NCAM2: variants seen among roughly 807,000 people sequenced by gnomAD.
NCAM2 encodes neural cell adhesion molecule 2.
In NCAM2, 30 loss-of-function variants were observed where a neutral mutation model predicts 98.1. The observed-to-expected ratio is 0.31, with a 90% confidence interval of 0.23 to 0.41. The LOEUF is 0.41. NCAM2 is among the 10% of genes least tolerant of loss of function. The pLI, the probability that NCAM2 is intolerant of heterozygous loss-of-function variation, is 1.00. For synonymous variants in NCAM2, 368 were observed against 342.4 expected, an observed-to-expected ratio of 1.07 and a Z score of -0.83; for missense variants, 867 against 1,005.8, an observed-to-expected ratio of 0.86 and a Z score of 1.87.
chr21:21,357,712 T>C (rs543013174), intron 8 of NCAM2, among the ~76,000 whole-genome samples: 6 of 152,152 alleles, frequency 3.9e-5, no homozygotes, highest in Non-Finnish European at 7.4e-5. Flanking sequence ...ATTTTATTTC[T>C]ACCTTTTTAC....
chr21:21,219,097 A>T (rs773447790), intron 1 of NCAM2, among the ~76,000 whole-genome samples: 1 of 152,232 alleles, frequency 6.6e-6, no homozygotes, highest in Non-Finnish European at 1.5e-5. Context: ...GCAGCCCAGG[A>T]TGGCTTTGAA....
intron 1 of NCAM2, among the ~76,000 whole-genome samples, chr21:21,257,880 C>A (rs1431672270): frequency 6.6e-6 from 1 of 152,112 alleles, no homozygotes; most frequent in Admixed American, 6.5e-5. Flanking sequence ...TGTACCGGGC[C>A]CCCAATGTTG....
chr21:21,214,746 T>TATATATATATATATATATATACACAC (rs11268201), intron 1 of NCAM2, among the ~76,000 whole-genome samples: 3 of 100,604 alleles, frequency 3.0e-5, no homozygotes, highest in East Asian at 5.4e-4. Flanking sequence ...TATATATATA[T>TATATATATATATATATATATACACAC]ACACTATATA....
At chr21:21,286,150 A>T in intron 3 of NCAM2, 119 bp from the exon 4 acceptor site, 1 of 1,078,144 alleles carries the variant, frequency 9.3e-7, no homozygotes. Flanking sequence ...TAAAGTATCT[A>T]GGTTTCCCTA....
At chr21:21,459,069 T>C (rs1368322427) in intron 12 of NCAM2, among the ~76,000 whole-genome samples, 1 of 152,008 alleles carries the variant, frequency 6.6e-6, no homozygotes, top group Non-Finnish European at 1.5e-5. Flanking sequence ...AAAGGAGACA[T>C]ACACATGGCC....
At chr21:21,150,637 G>A (rs2067419044) in intron 1 of NCAM2, among the ~76,000 whole-genome samples, 1 of 151,836 alleles carries the variant, frequency 6.6e-6, no homozygotes, top group African/African-American at 2.4e-5. Context: ...AACTTCCATT[G>A]TTTGATTTCC....
At chr21:21,204,441 A>G (rs1254909008) in intron 1 of NCAM2, among the ~76,000 whole-genome samples, 3 of 152,298 alleles carry the variant, frequency 2.0e-5, no homozygotes, top group East Asian at 1.9e-4. Flanking sequence ...TTTTAAATCA[A>G]TTTGACAAAG....
At chr21:21,174,534 GCTGT>G (rs1438589858) in intron 1 of NCAM2, among the ~76,000 whole-genome samples, 5 of 152,112 alleles carry the variant, frequency 3.3e-5, no homozygotes, top group Non-Finnish European at 7.4e-5. Flanking sequence ...CATGACTAGT[GCTGT>G]CTAAGGGATA....
chr21:21,414,682 G>C (rs1239538469), intron 10 of NCAM2, among the ~76,000 whole-genome samples: 1 of 151,990 alleles, frequency 6.6e-6, no homozygotes. Context: ...TGTTAACCAG[G>C]ATGGTCTCCA....
intron 1 of NCAM2, among the ~76,000 whole-genome samples, chr21:21,025,690 T>G (rs1483534108): frequency 6.6e-6 from 1 of 152,162 alleles, no homozygotes; most frequent in African/African-American, 2.4e-5. Flanking sequence ...GAGGAGGCAT[T>G]TTATAAGAAA....
At chr21:21,221,784 A>G (rs1438822206) in intron 1 of NCAM2, among the ~76,000 whole-genome samples, 1 of 152,196 alleles carries the variant, frequency 6.6e-6, no homozygotes, top group Non-Finnish European at 1.5e-5. Flanking sequence ...GAAGATCCAG[A>G]TAAGATCATT....
rs543429841 is a variant in NCAM2 at position 21,229,297 on chromosome 21, C to T, written c.56-51281C>T. On this transcript the variant is annotated intron_variant, in intron 1 of 17. Transcript: ENST00000400546. ...TGCTTGCAATAGAGACTAGTAAATA[C>T]GAAGTTATAGACACATTTCTCATTT... is the stretch of plus-strand genomic sequence containing the variant. Among the ~76,000 whole-genome samples, 282 of 151,554 alleles carry T rather than the reference C, an allele frequency of 1.9e-3. 2 individuals are homozygous for T. Among genetic ancestry groups the T allele is most frequent in the South Asian group, 0.013 (62 of 4,832 alleles).
At chr21:21,125,650 ATG>A (rs2066800893) in intron 1 of NCAM2, among the ~76,000 whole-genome samples, 2 of 137,998 alleles carry the variant, frequency 1.4e-5, no homozygotes, top group Non-Finnish European at 3.1e-5. Context: ...TTACGTGTAT[ATG>A]TAGAGATATA....
At chr21:21,514,075 T>C (rs1229422536) in intron 16 of NCAM2, among the ~76,000 whole-genome samples, 1 of 151,576 alleles carries the variant, frequency 6.6e-6, no homozygotes, top group Non-Finnish European at 1.5e-5. Context: ...TAACCTGGGC[T>C]ATACATATAA....
chr21:21,271,014 T>G (rs1452250337), intron 1 of NCAM2, among the ~76,000 whole-genome samples: 1 of 152,156 alleles, frequency 6.6e-6, no homozygotes, highest in Non-Finnish European at 1.5e-5. Flanking sequence ...TCAATTAGTT[T>G]TTCAGTACTG....
intron 1 of NCAM2, among the ~76,000 whole-genome samples, chr21:21,219,503 A>C (rs1050715204): frequency 6.6e-6 from 1 of 152,242 alleles, no homozygotes; most frequent in Non-Finnish European, 1.5e-5. Context: ...ACTTTATTAC[A>C]TCATGGTGAA....
intron 11 of NCAM2, among the ~76,000 whole-genome samples, chr21:21,419,937 C>T (rs998410957): frequency 4.6e-5 from 7 of 152,040 alleles, no homozygotes; most frequent in Admixed American, 4.6e-4. Flanking sequence ...AATCGTCACA[C>T]TGACTTCCAC....
At chr21:21,433,204 A>T (rs62214323) in intron 12 of NCAM2, among the ~76,000 whole-genome samples, 4 of 152,114 alleles carry the variant, frequency 2.6e-5, no homozygotes, top group Non-Finnish European at 5.9e-5. Flanking sequence ...TCAGTCATCT[A>T]TCATGTACCA....
intron 1 of NCAM2, among the ~76,000 whole-genome samples, chr21:21,074,534 A>G (rs2065639005): frequency 6.6e-6 from 1 of 152,190 alleles, no homozygotes. Context: ...TCAGGTGGAA[A>G]GGGATCTCCT....
Sources: gnomAD v4.1 joint callset for allele counts (sites outside exome capture counted in the v4.1 genomes callset) on GRCh38, gnomAD v4.1.1 for gene constraint, MANE v1.5 for transcripts, NCBI Gene and HGNC (gene_info 2026-07-23, HGNC 2026-07-21) for gene names.